NAMPT: variants seen among roughly 807,000 people sequenced by gnomAD.
NAMPT encodes nicotinamide phosphoribosyltransferase.
NAMPT carries 7 observed loss-of-function variants against 58.7 expected under a neutral mutation model. The ratio of observed to expected loss-of-function variants is 0.12; its 90% CI spans 0.07 to 0.22. The LOEUF is 0.22. Among genes scored for constraint, NAMPT ranks in the 10% least tolerant of loss-of-function variants. The probability of loss-of-function intolerance (pLI) is 1.00; values close to 1 mark genes in which losing one functional copy is unlikely to be tolerated. For missense variants in NAMPT, 271 were observed against 567.9 expected (o/e 0.48, Z 5.31); for synonymous variants, 145 against 198.1 (o/e 0.73, Z 2.25).
At chr7:106,275,537 C>T (rs1409580438) in intron 2 of NAMPT, 1 of 152,696 alleles carries the variant, frequency 6.5e-6, no homozygotes, top group Non-Finnish European at 1.5e-5. Flanking sequence ...AGTCGAGTAC[C>T]CACTTATATG....
chr7:106,264,663 TCAAA>T (rs985431616), intron 6 of NAMPT, among the ~76,000 whole-genome samples: 3 of 152,046 alleles, frequency 2.0e-5, no homozygotes, highest in African/African-American at 4.8e-5. Flanking sequence ...TTAAAAGATC[TCAAA>T]CAACTTAATT....
At chr7:106,263,242 CA>C (rs1792343665) in intron 7 of NAMPT, 149 bp downstream of exon 7, 1 of 631,278 alleles carries the variant, frequency 1.6e-6, no homozygotes, top group East Asian at 2.7e-5. Flanking sequence ...TGACCTCAGG[CA>C]AATCTATTAC....
chr7:106,272,454 C>T (rs1792555384), intron 4 of NAMPT, 76 bp downstream of exon 4: 1 of 1,353,638 alleles, frequency 7.4e-7, no homozygotes, highest in Admixed American at 2.4e-5. Flanking sequence ...TTATTAGTAA[C>T]AAATTCTAAA....
At chr7:106,256,076 A>G (rs754866179) in intron 8 of NAMPT, among the ~76,000 whole-genome samples, 6 of 152,214 alleles carry the variant, frequency 3.9e-5, no homozygotes, top group Non-Finnish European at 5.9e-5. Context: ...AAAACATTTA[A>G]TACATGTGAG....
At chr7:106,281,131 G>T (rs6466097) in intron 1 of NAMPT, among the ~76,000 whole-genome samples, 108,443 of 150,320 alleles carry the variant, frequency 0.72, 39,704 homozygotes, top group East Asian at 1. Context: ...ATGGACAGCT[G>T]TTTCCATTAA....
At chr7:106,269,357 G>A (rs763274963) in intron 4 of NAMPT, 45 bp from the exon 5 acceptor site, 2 of 1,517,696 alleles carry the variant, frequency 1.3e-6, no homozygotes, top group Non-Finnish European at 1.8e-6. Flanking sequence ...ATAAAATACT[G>A]CATTCTTTCT....
At position 106,267,667 on chromosome 7, in the gene NAMPT, C is replaced by T. The variant is rs561214274; in HGVS notation, c.743+797G>A. 6.0e-3 allele frequency among the ~76,000 whole-genome samples: 910 copies of T among 150,508 alleles called. 8 individuals are homozygous for T. The highest frequency in any genetic ancestry group is 0.021 in the African/African-American group (857 of 41,012). On this transcript the variant is annotated intron_variant, in intron 6 of 10. Transcript: ENST00000222553. ...CCATCCTGACTAAAACGGTGAAACC[C>T]CGTCTCTACTAAAAATACAAAAAAT...
chr7:106,272,619 G>A lies in NAMPT; in HGVS notation c.358C>T (p.Pro120Ser). ...GHLPIEIKAV[P>S]EGFVIPRGNV... ...CCTCTGGGAATGACAAAGCCCTCAG[G>A]AACAGCTTTTATTTCTATTGGAAGA... The change falls in exon 4 of 11, where the codon CCT becomes TCT. Residue 120 changes from proline (P) to serine (S), a missense_variant. By Grantham distance (74) the Pro-to-Ser change is moderately conservative. This residue lies in a region of NAMPT where 103 missense variants were observed against 194.2 expected (regional missense o/e 0.53). Coordinates refer to ENST00000222553, the MANE Select transcript of NAMPT (RefSeq NM_005746.3). The A allele has an allele frequency of 6.2e-7, 1 of 1,613,008 alleles. No individual in the cohort carries two copies. The highest frequency in any genetic ancestry group is 8.5e-7 in the Non-Finnish European group (1 of 1,179,308).
chr7:106,267,638 G>A lies in NAMPT; in HGVS notation c.743+826C>T, dbSNP rs1262350916. Among the ~76,000 whole-genome samples the A allele has an allele frequency of 9.3e-5, 14 of 151,226 alleles. No homozygotes were observed. The East Asian group carries it at 2.5e-3, about 27-fold the overall frequency. ...AGGCGGATCACGAGGTCAGGAGATC[G>A]AGACCATCCTGACTAAAACGGTGAA... On this transcript the variant is annotated intron_variant, in intron 6 of 10. Transcript: ENST00000222553.
chr7:106,277,015 A>T lies in NAMPT; in HGVS notation c.214+8T>A. 1 of 1,564,318 alleles carries T rather than the reference A, an allele frequency of 6.4e-7. No homozygotes were observed. The highest frequency in any genetic ancestry group is 8.8e-7 in the Non-Finnish European group (1 of 1,135,048). On this transcript the variant is annotated splice_region_variant and intron_variant, in intron 2 of 10. Transcript: ENST00000222553. ...GCAGTGTTTAAAATATACTAGGAAA[A>T]GTAATACCTTTTAAGTACTTATTAA...
intron 1 of NAMPT, among the ~76,000 whole-genome samples, chr7:106,280,823 C>A (rs1194301572): frequency 6.6e-6 from 1 of 151,832 alleles, no homozygotes; most frequent in Non-Finnish European, 1.5e-5. Context: ...CGCCTGTAGT[C>A]CCAGCTACTC....
At chr7:106,265,072 A>G (rs966633312) in intron 6 of NAMPT, among the ~76,000 whole-genome samples, 2 of 152,164 alleles carry the variant, frequency 1.3e-5, no homozygotes, top group African/African-American at 4.8e-5. Context: ...GCCAGTAGCT[A>G]TGATGTCAAT....
rs1343141229 is a variant in NAMPT, at chr7:106,263,553, A to G, written c.808T>C (p.Ser270Pro). The G allele has an allele frequency of 1.9e-6, 3 of 1,613,422 alleles. No individual in the cohort carries two copies. The Admixed American group carries it at 5.0e-5, about 27-fold the overall frequency. ...CTGACCACAGATACAGGCACTGATG[A>G]AAACTGTGTTACAATATGTTCAAAA... ...DAFEHIVTQF[S>P]SVPVSVVSDS... The change falls in exon 7 of 11, where the codon TCA becomes CCA. Residue 270 changes from serine to proline, a missense_variant. Transcript: ENST00000222553.
At chr7:106,279,071 G>A (rs1792705748) in intron 1 of NAMPT, among the ~76,000 whole-genome samples, 1 of 152,062 alleles carries the variant, frequency 6.6e-6, no homozygotes, top group Admixed American at 6.5e-5. Flanking sequence ...TACTGAAAAT[G>A]TTCTTTGTAC....
At position 106,249,196 on chromosome 7, in the gene NAMPT, T is replaced by C. The variant is rs1458053844; in HGVS notation, c.*1887A>G. 1.3e-5 allele frequency: 2 copies of C among 152,492 alleles called. No homozygotes were observed. Among genetic ancestry groups the C allele is most frequent in the African/African-American group, 4.8e-5 (2 of 41,424 alleles). 9.4% of individuals were successfully genotyped at this position (152,492 alleles called of 1,614,324 possible). On this transcript the variant is annotated 3_prime_UTR_variant, in exon 11 of 11. Coordinates refer to ENST00000222553, the MANE Select transcript of NAMPT (RefSeq NM_005746.3). ...ATACATTAAAAAATCATTTTAAAAT[T>C]ATTTTATATCATGGATTACAGAAGA...
chr7:106,257,373 T>G (rs545669979), intron 8 of NAMPT, among the ~76,000 whole-genome samples: 1 of 151,500 alleles, frequency 6.6e-6, no homozygotes, highest in African/African-American at 2.4e-5. Context: ...TCTCAGCACT[T>G]TAGGAGGCCT....
intron 3 of NAMPT, among the ~76,000 whole-genome samples, chr7:106,272,885 C>T (rs1391029120): frequency 2.0e-5 from 3 of 152,164 alleles, no homozygotes; most frequent in East Asian, 1.9e-4. Flanking sequence ...AATGCTGCCA[C>T]GTGCTTCTGC....
chr7:106,257,551 A>G lies in NAMPT; in HGVS notation c.1090-3047T>C, dbSNP rs530797361. Among the ~76,000 whole-genome samples the G allele has an allele frequency of 3.3e-5, 5 of 149,330 alleles. No homozygotes were observed. In the South Asian group the frequency reaches 1.1e-3, roughly 32 times the overall value. On this transcript the variant is annotated intron_variant, in intron 8 of 10. Transcript: ENST00000222553. ...GAGGCTGAGGTGGGAGGACCACCTG[A>G]CCCTGGGAGGTTGAGGCTGCAGTGA...
intron 8 of NAMPT, among the ~76,000 whole-genome samples, chr7:106,257,649 C>T (rs766594401): frequency 1.3e-4 from 20 of 151,144 alleles, no homozygotes; most frequent in Non-Finnish European, 2.1e-4. Flanking sequence ...ATCGCACATA[C>T]ATTCCTAAAG....
Sources: gnomAD v4.1 joint callset for allele counts (sites outside exome capture counted in the v4.1 genomes callset) on GRCh38, gnomAD v4.1.1 for gene constraint, gnomAD v4.1.1 regional missense constraint, MANE v1.5 for transcripts, NCBI Gene and HGNC (gene_info 2026-07-23, HGNC 2026-07-21) for gene names.